COL4A4: variants seen among roughly 807,000 people sequenced by gnomAD.
COL4A4 encodes collagen alpha-4(IV) chain.
COL4A4 carries 105 observed loss-of-function variants against 192.9 expected under a neutral mutation model. That is an observed-to-expected ratio of 0.54 (90% CI 0.46 to 0.64). The LOEUF is 0.64. Ranked by LOEUF, COL4A4 falls within the 30% of genes least tolerant of loss-of-function variation. The pLI is 0.00. For synonymous variants in COL4A4, 762 were observed against 769.9 expected (o/e 0.99, Z 0.17); for missense variants, 1,967 against 2,169.3 (o/e 0.91, Z 1.85).
intron 3 of COL4A4, among the ~76,000 whole-genome samples, chr2:227,142,722 C>T (rs983888620): frequency 2.0e-5 from 3 of 150,242 alleles, no homozygotes; most frequent in Admixed American, 1.3e-4. Context: ...TACCACTGCA[C>T]TCCAGCTTGG....
intron 25 of COL4A4, among the ~76,000 whole-genome samples, chr2:227,075,912 A>G (rs572401943): frequency 6.6e-6 from 1 of 152,286 alleles, no homozygotes; most frequent in South Asian, 2.1e-4. Context: ...AAAAATACCT[A>G]GGAATACAAC....
chr2:227,041,772 AAGGAAGGAAGGAAGG>A (rs1411530327), intron 37 of COL4A4, among the ~76,000 whole-genome samples: 4 of 89,772 alleles, frequency 4.5e-5, no homozygotes, highest in East Asian at 3.6e-4. Context: ...GGAAGGAAGG[AAGGAAGGAAGGAAGG>A]GAAAGAAAGA....
Position 227,150,778 on chromosome 2 carries a change from C to T in COL4A4, c.-101-3194G>A, listed in dbSNP as rs141287961. On this transcript the variant is annotated intron_variant, in intron 1 of 47. Transcript: ENST00000396625. ...GAGAACTCACTCACTGTCACAAGAA[C>T]GGCATAGGGGAAACCACCTCCATGA... Among the ~76,000 whole-genome samples, 466 of 152,212 alleles carry T rather than the reference C, an allele frequency of 3.1e-3. 1 individual carries two copies. Among genetic ancestry groups the T allele is most frequent in the Middle Eastern group, 0.02 (6 of 294 alleles).
Position 227,055,624 on chromosome 2 carries a change from A to T in COL4A4, c.2716+321T>A, listed in dbSNP as rs115245866. On this transcript the variant is annotated intron_variant, in intron 30 of 47. Coordinates refer to ENST00000396625, the MANE Select transcript of COL4A4 (RefSeq NM_000092.5). ...TGTGTCTGAGTCCTAATCCCCTAAC[A>T]GGGGGTAGGGATGAGAGTGGGGACC... 5.7e-3 allele frequency among the ~76,000 whole-genome samples: 863 copies of T among 152,218 alleles called. 5 individuals are homozygous for T. The highest frequency in any genetic ancestry group is 0.02 in the African/African-American group (828 of 41,544).
intron 34 of COL4A4, among the ~76,000 whole-genome samples, chr2:227,048,424 G>A (rs10174591): frequency 0.51 from 77,923 of 151,958 alleles, 20,112 homozygotes; most frequent in South Asian, 0.63. Flanking sequence ...CTTGGCTACT[G>A]GGGCAGAAAC....
chr2:227,060,119 A>AC lies in COL4A4; in HGVS notation c.2164+16_2164+17insG. On this transcript the variant is annotated intron_variant, in intron 27 of 47. Coordinates refer to ENST00000396625, the MANE Select transcript of COL4A4 (RefSeq NM_000092.5). Reference sequence around the variant, plus strand: ...CAAAGCAGAAAAAAAAAAAAAAAAAAAAAAAACCTCACTGACCAGGTGGAC... The same window carrying AC: ...CAAAGCAGAAAAAAAAAAAAAAAAAACAAAAAACCTCACTGACCAGGTGGAC... 3 of 1,391,166 alleles carry AC rather than the reference A, an allele frequency of 2.2e-6. No homozygotes were observed. Among genetic ancestry groups the AC allele is most frequent in the Non-Finnish European group, 3.0e-6 (3 of 1,010,626 alleles). The allele number at this position is 1,391,166 out of a possible 1,614,324, so 86.2% of individuals were successfully genotyped here. A position where few individuals can be genotyped will look rare whatever the true frequency, so the allele number is the denominator to read the frequency against.
chr2:227,114,708 AT>A lies in COL4A4; in HGVS notation c.490-13del. On this transcript the variant is annotated splice_polypyrimidine_tract_variant and intron_variant, in intron 7 of 47. Coordinates refer to ENST00000396625, the MANE Select transcript of COL4A4 (RefSeq NM_000092.5). ...TCCCCAGGATGGCCCTGAAAATAAA[AT>A]ATGTATGTACTTAACAGGAAAATAG... 7 of 1,603,968 alleles carry A rather than the reference AT, an allele frequency of 4.4e-6. No individual in the cohort carries two copies. Among genetic ancestry groups the A allele is most frequent in the Non-Finnish European group, 6.0e-6 (7 of 1,170,734 alleles).
chr2:226,975,015 C>T, the COL4A4 span, among the ~76,000 whole-genome samples: 2 of 152,092 alleles, frequency 1.3e-5, no homozygotes, highest in Non-Finnish European at 2.9e-5. Context: ...CTCCTTGGTA[C>T]GTGGAGAGAA....
chr2:227,102,937 A>G, intron 14 of COL4A4, 89 bp from the exon 15 acceptor site: 1 of 1,186,410 alleles, frequency 8.4e-7, no homozygotes, highest in Non-Finnish European at 1.3e-6. Flanking sequence ...GAAAAAAAAC[A>G]AAATGAGAAA....
At chr2:226,982,324 C>T in the COL4A4 span, among the ~76,000 whole-genome samples, 11 of 152,356 alleles carry the variant, frequency 7.2e-5, no homozygotes, top group South Asian at 8.3e-4. Context: ...CTTTGGACCA[C>T]TGTGTTCTCC....
chr2:227,126,747 T>C lies in COL4A4; in HGVS notation c.193-5599A>G, dbSNP rs569992377. On this transcript the variant is annotated intron_variant, in intron 4 of 47. Coordinates refer to ENST00000396625, the MANE Select transcript of COL4A4 (RefSeq NM_000092.5). ...CCAAAATTTCCCAAACACCAATCTT[T>C]GAAATAGTCATTTGTTAGTTCACCT... is the stretch of plus-strand genomic sequence containing the variant. Among the ~76,000 whole-genome samples, 15 of 152,354 alleles carry C rather than the reference T, an allele frequency of 9.8e-5. 1 individual carries two copies. In the East Asian group the frequency reaches 2.7e-3, roughly 27 times the overall value.
At position 227,051,105 on chromosome 2, in the gene COL4A4, C is replaced by T. The variant is rs371172166; in HGVS notation, c.3022G>A (p.Gly1008Arg). 1.9e-5 allele frequency: 31 copies of T among 1,614,092 alleles called. No individual in the cohort carries two copies. The highest frequency in any genetic ancestry group is 1.3e-4 in the African/African-American group (10 of 75,016). Residue 1008 changes from glycine to arginine, a missense_variant, in exon 33 of 48, where the codon GGA becomes AGA. By Grantham distance (125) the Gly-to-Arg change is moderately radical. Coordinates refer to ENST00000396625, the MANE Select transcript of COL4A4 (RefSeq NM_000092.5). ...TCCCCTCTGTGAAATCCAGGTGGTCCGTATCTTCCCGGCTCTCCTCTTCTC... is the reference window on the plus strand; with the variant it reads ...TCCCCTCTGTGAAATCCAGGTGGTCTGTATCTTCCCGGCTCTCCTCTTCTC... The part of the protein sequence containing the change: ...QGRRGEPGRY[G>R]PPGFHRGEPG...
chr2:227,126,641 G>A (rs1432875297), intron 4 of COL4A4, among the ~76,000 whole-genome samples: 2 of 152,090 alleles, frequency 1.3e-5, no homozygotes, highest in East Asian at 1.9e-4. Flanking sequence ...ATTTTAATAA[G>A]TATTTTGCTA....
At chr2:227,095,527 G>T (rs980876677) in intron 19 of COL4A4, among the ~76,000 whole-genome samples, 1 of 152,160 alleles carries the variant, frequency 6.6e-6, no homozygotes, top group Non-Finnish European at 1.5e-5. Flanking sequence ...AGGTCAAAAC[G>T]AATAATGCAA....
chr2:227,116,940 A>G (rs192366292), intron 7 of COL4A4, among the ~76,000 whole-genome samples: 310 of 152,396 alleles, frequency 2.0e-3, no homozygotes, highest in Middle Eastern at 6.8e-3. Flanking sequence ...ACTACTCTTG[A>G]TAAGTTTTTA....
chr2:227,042,163 G>T lies in COL4A4; in HGVS notation c.3490C>A (p.Pro1164Thr). The T allele has an allele frequency of 6.2e-7, 1 of 1,605,984 alleles. No homozygotes were observed. Among genetic ancestry groups the T allele is most frequent in the Non-Finnish European group, 8.5e-7 (1 of 1,172,606 alleles). The change falls in exon 37 of 48, where the codon CCT becomes ACT. Residue 1164 changes from proline to threonine, a missense_variant. By Grantham distance (38) the Pro-to-Thr change is conservative. Transcript: ENST00000396625. Reference sequence around the variant, plus strand: ...TTTGACTTACCTTTTATTCCCGGAGGACCTGGTATCCCTGGATCCCCCTGG... The same window carrying T: ...TTTGACTTACCTTTTATTCCCGGAGTACCTGGTATCCCTGGATCCCCCTGG... Reference protein sequence around the residue: ...GLQGDPGIPGPPGIKGPSGSP... With the variant: ...GLQGDPGIPGTPGIKGPSGSP...
chr2:227,002,403 C>T (rs1961214487), downstream of COL4A4, among the ~76,000 whole-genome samples: 1 of 152,230 alleles, frequency 6.6e-6, no homozygotes, highest in South Asian at 2.1e-4. Context: ...CTTATTCTCA[C>T]TCAACTAATG....
intron 26 of COL4A4, 58 bp downstream of exon 26, chr2:227,062,472 G>T: frequency 3.0e-6 from 3 of 1,013,076 alleles, no homozygotes; most frequent in Non-Finnish European, 4.5e-6. Flanking sequence ...CTGTCTGGCT[G>T]GTTTTTTTTT....
chr2:227,099,504 T>C, intron 18 of COL4A4, 116 bp downstream of exon 18: 1 of 874,326 alleles, frequency 1.1e-6, no homozygotes, highest in Non-Finnish European at 1.9e-6. Context: ...CTACAGTTCG[T>C]GCATTCAGCC....
Sources: gnomAD v4.1 joint callset for allele counts (sites outside exome capture counted in the v4.1 genomes callset) on GRCh38, gnomAD v4.1.1 for gene constraint, MANE v1.5 for transcripts, NCBI Gene and HGNC (gene_info 2026-07-23, HGNC 2026-07-21) for gene names.